The following UTP20 variants were observed in gnomAD, a reference collection of about 807,000 sequenced individuals.
UTP20 encodes UTP20 small subunit processome component, also known as small subunit processome component 20 homolog.
In UTP20, 164 loss-of-function variants were observed where a neutral mutation model predicts 329.5. That is an observed-to-expected ratio of 0.50 (90% CI 0.44 to 0.57). The LOEUF (loss-of-function observed/expected upper bound fraction) is 0.57, where lower values mean the gene tolerates loss of function less well. Ranked by LOEUF, UTP20 falls within the 20% of genes least tolerant of loss-of-function variation. The pLI is 0.00. For missense variants in UTP20, 3,055 were observed against 3,284.2 expected (o/e 0.93, Z 1.71); for synonymous variants, 1,151 against 1,159.3 (o/e 0.99, Z 0.14).
chr12:101,288,223 T>A (rs1182064768), intron 5 of UTP20, among the ~76,000 whole-genome samples: 1 of 152,222 alleles, frequency 6.6e-6, no homozygotes, highest in East Asian at 1.9e-4. Flanking sequence ...CAGCCAACAT[T>A]TATTAGTACC....
At chr12:101,282,627 A>C (rs1871837810) in intron 2 of UTP20, among the ~76,000 whole-genome samples, 1 of 152,326 alleles carries the variant, frequency 6.6e-6, no homozygotes, top group South Asian at 2.1e-4. Context: ...TAAGCAGGGG[A>C]ATGAATGACA....
At chr12:101,336,207 C>G (rs1868928500) in intron 29 of UTP20, among the ~76,000 whole-genome samples, 1 of 152,102 alleles carries the variant, frequency 6.6e-6, no homozygotes, top group South Asian at 2.1e-4. Context: ...TTGGAATCCA[C>G]ATAACAATAG....
chr12:101,317,347 GC>G, intron 21 of UTP20, 130 bp from the exon 22 acceptor site: 1 of 945,318 alleles, frequency 1.1e-6, no homozygotes, highest in Non-Finnish European at 1.5e-6. Context: ...GTGGAAGCTT[GC>G]CTAAGGTACC....
chr12:101,363,879 A>G lies in UTP20; in HGVS notation c.5958+136A>G, dbSNP rs545748128. On this transcript the variant is annotated intron_variant, in intron 45 of 61. Transcript: ENST00000261637. ...TTTGGTGATAGGGCCCCAGGACCAT[A>G]TGGCCAGTGAGTGAATGCTTTGATT... 1.8e-5 allele frequency: 11 copies of G among 596,784 alleles called. No individual in the cohort carries two copies. The South Asian group carries it at 2.3e-4, about 13-fold the overall frequency. The allele number at this position is 596,784 out of a possible 1,614,324, so 37.0% of individuals were successfully genotyped here.
chr12:101,368,941 C>T (rs1295572038), intron 48 of UTP20, among the ~76,000 whole-genome samples: 2 of 152,174 alleles, frequency 1.3e-5, no homozygotes, highest in African/African-American at 4.8e-5. Context: ...GCCAGAGCAG[C>T]ACGGGTGTTA....
chr12:101,344,934 C>CTTTTTTTT (rs11417670), intron 36 of UTP20, among the ~76,000 whole-genome samples, 184 bp downstream of exon 36: 16 of 61,564 alleles, frequency 2.6e-4, no homozygotes, highest in Non-Finnish European at 4.4e-4. Flanking sequence ...CTTTTTTTTG[C>CTTTTTTTT]TTTTTTTTTT....
intron 50 of UTP20, 136 bp downstream of exon 50, chr12:101,370,699 G>A (rs1323909894): frequency 1.0e-6 from 1 of 980,522 alleles, no homozygotes; most frequent in Non-Finnish European, 1.5e-6. Context: ...TATGATTTTG[G>A]TGGGTCAATT....
intron 35 of UTP20, among the ~76,000 whole-genome samples, chr12:101,343,804 A>G (rs1159738290): frequency 6.6e-6 from 1 of 152,150 alleles, no homozygotes; most frequent in Admixed American, 6.5e-5. Context: ...GGGCCACCGC[A>G]CCCAGCCAAA....
intron 38 of UTP20, 122 bp downstream of exon 38, chr12:101,346,710 A>C: frequency 2.1e-6 from 2 of 959,016 alleles, no homozygotes; most frequent in Non-Finnish European, 2.9e-6. Context: ...GGTTTAGAAT[A>C]GTTCTAAAGT....
At chr12:101,351,382 C>A (rs1869516086) in intron 38 of UTP20, among the ~76,000 whole-genome samples, 1 of 152,178 alleles carries the variant, frequency 6.6e-6, no homozygotes, top group South Asian at 2.1e-4. Flanking sequence ...GCCTCGGCCT[C>A]CCAAAGTGCT....
chr12:101,371,027 A>C (rs1177647766), intron 50 of UTP20, 31 bp from the exon 51 acceptor site: 2 of 1,595,834 alleles, frequency 1.3e-6, no homozygotes, highest in African/African-American at 2.7e-5. Flanking sequence ...AAACACATGA[A>C]ATGAGTATGT....
rs114415339 is a variant in UTP20, at chr12:101,318,662, C to G, written c.2739-883C>G. On this transcript the variant is annotated intron_variant, in intron 22 of 61. Transcript: ENST00000261637. ...CCTGGCCAACATGGTAAAACGCTGT[C>G]TCTACTGAAAATATAAAAATTAGTC... Among the ~76,000 whole-genome samples the G allele has an allele frequency of 2.7e-3, 417 of 152,006 alleles. 3 individuals carry two copies. Among genetic ancestry groups the G allele is most frequent in the African/African-American group, 9.7e-3 (402 of 41,434 alleles).
intron 8 of UTP20, 141 bp from the exon 9 acceptor site, chr12:101,291,601 C>T (rs561057598): frequency 7.2e-6 from 4 of 558,508 alleles, no homozygotes; most frequent in Admixed American, 4.3e-5. Flanking sequence ...TAGCTGTTAT[C>T]GTTAGTGAGT....
intron 51 of UTP20, among the ~76,000 whole-genome samples, chr12:101,372,114 C>T (rs1373878271): frequency 6.6e-6 from 1 of 152,176 alleles, no homozygotes; most frequent in African/African-American, 2.4e-5. Flanking sequence ...TAGCTGTGTG[C>T]CTAGCACTTT....
intron 25 of UTP20, among the ~76,000 whole-genome samples, chr12:101,323,728 A>T (rs540992555): frequency 7.3e-5 from 11 of 149,856 alleles, no homozygotes; most frequent in African/African-American, 2.8e-4. Flanking sequence ...TTTTAATTTG[A>T]TTATTTTATT....
intron 56 of UTP20, among the ~76,000 whole-genome samples, chr12:101,376,924 A>G (rs1482278983): frequency 2.6e-5 from 4 of 152,164 alleles, no homozygotes; most frequent in Admixed American, 2.6e-4. Flanking sequence ...CTGGGATTAC[A>G]GGTGTGAGCC....
rs372093743 is a variant in UTP20 at position 101,290,752 on chromosome 12, G to A, written c.755G>A (p.Arg252Gln). The change falls in exon 8 of 62, where the codon CGA becomes CAA. Residue 252 changes from arginine (R) to glutamine (Q), a missense_variant. Transcript: ENST00000261637. ...CTGQAVKLIL[R>Q]KLGPVTETET... ...CCACAGGCAGTGAAGCTAATTTTGCGAAAGCTAGGACCAGTCACTGAAACA... is the reference window on the plus strand; with the variant it reads ...CCACAGGCAGTGAAGCTAATTTTGCAAAAGCTAGGACCAGTCACTGAAACA... 2.9e-5 allele frequency: 46 copies of A among 1,605,006 alleles called. No individual in the cohort carries two copies. The African/African-American group carries it at 3.6e-4, about 13-fold the overall frequency.
intron 58 of UTP20, among the ~76,000 whole-genome samples, chr12:101,382,580 C>T (rs1198131796): frequency 3.9e-5 from 6 of 152,026 alleles, no homozygotes; most frequent in Non-Finnish European, 5.9e-5. Flanking sequence ...AGGCCAGGCA[C>T]GGTGGCTCAC....
At chr12:101,373,820 A>G in intron 54 of UTP20, 53 bp downstream of exon 54, 1 of 1,564,768 alleles carries the variant, frequency 6.4e-7, no homozygotes. Context: ...TTTGGGGATC[A>G]TAGTTTAAGT....
Sources: gnomAD v4.1 joint callset for allele counts (sites outside exome capture counted in the v4.1 genomes callset) on GRCh38, gnomAD v4.1.1 for gene constraint, MANE v1.5 for transcripts, NCBI Gene and HGNC (gene_info 2026-07-23, HGNC 2026-07-21) for gene names.